The following PEX5L variants were observed in gnomAD, a reference collection of about 807,000 sequenced individuals.
PEX5L encodes peroxisomal biogenesis factor 5 like, also known as PEX5-related protein.
Under a neutral mutation model 84.0 loss-of-function variants are expected in PEX5L, and 30 were observed. That is an observed-to-expected ratio of 0.36 (90% CI 0.27 to 0.48). PEX5L has a LOEUF of 0.48. Among genes scored for constraint, PEX5L ranks in the 20% least tolerant of loss-of-function variants. PEX5L has a pLI of 0.99. For synonymous variants in PEX5L, 270 were observed against 283.1 expected, an observed-to-expected ratio of 0.95 and a Z score of 0.46; for missense variants, 533 against 754.6, an observed-to-expected ratio of 0.71 and a Z score of 3.44.
chr3:179,817,244 T>C (rs1726509783), intron 9 of PEX5L, among the ~76,000 whole-genome samples: 1 of 152,230 alleles, frequency 6.6e-6, no homozygotes, highest in African/African-American at 2.4e-5. Context: ...ATACAGGATG[T>C]ATAAATAACT....
At chr3:179,944,930 C>G (rs1215393271) in intron 2 of PEX5L, among the ~76,000 whole-genome samples, 1 of 152,236 alleles carries the variant, frequency 6.6e-6, no homozygotes, top group Non-Finnish European at 1.5e-5. Flanking sequence ...ACATCTCCCT[C>G]TGTGTCCGCT....
chr3:180,015,538 G>A (rs1789868662), intron 1 of PEX5L, among the ~76,000 whole-genome samples: 1 of 151,986 alleles, frequency 6.6e-6, no homozygotes, highest in African/African-American at 2.4e-5. Context: ...TATCATCATT[G>A]TATATTATTA....
intron 14 of PEX5L, among the ~76,000 whole-genome samples, chr3:179,806,374 T>C (rs957297235): frequency 2.6e-5 from 4 of 152,176 alleles, no homozygotes; most frequent in Non-Finnish European, 2.9e-5. Context: ...TTTCACAGTG[T>C]CCATAAAATA....
chr3:179,920,388 A>C (rs549226524), intron 2 of PEX5L, among the ~76,000 whole-genome samples: 1 of 152,316 alleles, frequency 6.6e-6, no homozygotes, highest in South Asian at 2.1e-4. Flanking sequence ...GTGTGTAAGC[A>C]TCCATCCCTC....
chr3:179,876,643 C>A (rs1752512216), intron 5 of PEX5L, among the ~76,000 whole-genome samples: 1 of 152,162 alleles, frequency 6.6e-6, no homozygotes, highest in Non-Finnish European at 1.5e-5. Context: ...TACAGTCGCA[C>A]TGCTGTGTGA....
chr3:179,899,941 T>C (rs1760738291), intron 2 of PEX5L, among the ~76,000 whole-genome samples: 1 of 152,212 alleles, frequency 6.6e-6, no homozygotes. Context: ...CTTGATTCAT[T>C]GCATAACAAA....
At chr3:179,980,913 A>G (rs1316702498) in intron 1 of PEX5L, among the ~76,000 whole-genome samples, 1 of 151,962 alleles carries the variant, frequency 6.6e-6, no homozygotes, top group Non-Finnish European at 1.5e-5. Flanking sequence ...AATCCCAGCT[A>G]CTCAGGAGGC....
intron 8 of PEX5L, among the ~76,000 whole-genome samples, chr3:179,855,974 A>G (rs1275800196): frequency 2.0e-5 from 3 of 152,232 alleles, no homozygotes; most frequent in South Asian, 2.1e-4. Flanking sequence ...TGTTCATACA[A>G]TGCAGTGGTT....
intron 2 of PEX5L, among the ~76,000 whole-genome samples, chr3:179,955,530 A>T (rs1780313140): frequency 7.1e-6 from 1 of 141,560 alleles, no homozygotes; most frequent in South Asian, 2.2e-4. Context: ...AACGAAATTC[A>T]TCTGGGAAGT....
intron 2 of PEX5L, among the ~76,000 whole-genome samples, chr3:179,906,874 A>G (rs1241836948): frequency 6.6e-6 from 1 of 151,018 alleles, no homozygotes; most frequent in Non-Finnish European, 1.5e-5. Flanking sequence ...TTCAAGAGAA[A>G]GTAAAGCATG....
intron 1 of PEX5L, among the ~76,000 whole-genome samples, chr3:179,997,733 T>C (rs1788024069): frequency 6.6e-6 from 1 of 152,254 alleles, no homozygotes; most frequent in Non-Finnish European, 1.5e-5. Flanking sequence ...GCAAGTGCTT[T>C]ACCAGATGTG....
intron 2 of PEX5L, among the ~76,000 whole-genome samples, chr3:179,942,874 T>C (rs893313230): frequency 3.9e-5 from 6 of 152,188 alleles, no homozygotes; most frequent in African/African-American, 1.4e-4. Flanking sequence ...GTAGACATAA[T>C]GGAAAGGCCG....
chr3:180,012,015 C>T (rs1789536088), intron 1 of PEX5L, among the ~76,000 whole-genome samples: 1 of 152,148 alleles, frequency 6.6e-6, no homozygotes, highest in Admixed American at 6.5e-5. Flanking sequence ...AACAATCTTG[C>T]CCCTTAATTT....
intron 2 of PEX5L, among the ~76,000 whole-genome samples, chr3:179,925,119 G>A (rs1216191340): frequency 1.3e-5 from 2 of 152,170 alleles, no homozygotes; most frequent in Non-Finnish European, 2.9e-5. Flanking sequence ...GCCAGTGGAA[G>A]TGCCTTGCTT....
chr3:179,947,602 C>T (rs115183002), intron 2 of PEX5L, among the ~76,000 whole-genome samples: 3,910 of 151,348 alleles, frequency 0.026, 177 homozygotes, highest in African/African-American at 0.091. Flanking sequence ...AAAGCAAAAA[C>T]AATATAAAGA....
chr3:179,847,795 G>A (rs571059653), intron 8 of PEX5L, among the ~76,000 whole-genome samples: 4 of 152,030 alleles, frequency 2.6e-5, no homozygotes, highest in African/African-American at 9.6e-5. Flanking sequence ...TTGACTTCCT[G>A]GGCTCAAGTG....
chr3:179,853,043 A>C (rs139975430), intron 8 of PEX5L, among the ~76,000 whole-genome samples: 10 of 152,310 alleles, frequency 6.6e-5, no homozygotes, highest in Middle Eastern at 3.4e-3. Context: ...TGCTGGGAAC[A>C]TAAAGAAGGA....
intron 2 of PEX5L, among the ~76,000 whole-genome samples, chr3:179,922,615 GCTA>G (rs1445763526): frequency 6.6e-6 from 1 of 151,600 alleles, no homozygotes; most frequent in African/African-American, 2.4e-5. Flanking sequence ...TGCCTGGCTG[GCTA>G]CTTTTTTGTA....
intron 2 of PEX5L, among the ~76,000 whole-genome samples, chr3:179,902,952 C>T (rs1046939797): frequency 6.6e-6 from 1 of 151,960 alleles, no homozygotes; most frequent in Non-Finnish European, 1.5e-5. Context: ...AAATAGCCCT[C>T]CTTTTGTTCT....
Sources: allele counts gnomAD v4.1 joint callset (sites outside exome capture counted in the v4.1 genomes callset), GRCh38; gene constraint gnomAD v4.1.1; transcripts MANE v1.5; gene names NCBI Gene and HGNC (gene_info 2026-07-23, HGNC 2026-07-21).